The following NFATC2IP variants were observed in gnomAD, a reference collection of about 807,000 sequenced individuals.
NFATC2IP encodes nuclear factor of activated T cells 2 interacting protein.
Under a neutral mutation model 40.2 loss-of-function variants are expected in NFATC2IP, and 25 were observed. The ratio of observed to expected loss-of-function variants is 0.62; its 90% CI spans 0.45 to 0.87. NFATC2IP has a LOEUF of 0.87. Among genes scored for constraint, NFATC2IP ranks in the 40% least tolerant of loss-of-function variants. The pLI is 0.00. For synonymous variants in NFATC2IP, 241 were observed against 236.3 expected (o/e 1.02, Z -0.18); for missense variants, 553 against 555.6 (o/e 1.00, Z 0.05).
At chr16:28,961,023 C>T (rs1965080012) in intron 7 of NFATC2IP, among the ~76,000 whole-genome samples, 1 of 152,002 alleles carries the variant, frequency 6.6e-6, no homozygotes, top group African/African-American at 2.4e-5. Flanking sequence ...TCCTAACATA[C>T]ACCTCAAAAT....
At position 28,958,809 on chromosome 16, in the gene NFATC2IP, A is replaced by G. The variant is rs559094184; in HGVS notation, c.939A>G (p.Leu313=). 11 of 1,614,088 alleles carry G rather than the reference A, an allele frequency of 6.8e-6. No homozygotes were observed. Among genetic ancestry groups the G allele is most frequent in the East Asian group, 2.2e-5 (1 of 44,866 alleles). The change falls in exon 6 of 8, where the codon CTA becomes CTG. Residue 313 remains leucine, a synonymous_variant. Transcript: ENST00000320805. The stretch of plus-strand genomic sequence containing the variant: ...TTTTGCTTTTTGGAGAGACAGAGCT[A>G]TCACCTACTGCCACTCCCAGGACCC... ...RILLLFGETE[L]SPTATPRTLK...
intron 5 of NFATC2IP, 188 bp downstream of exon 5, chr16:28,956,525 AC>A: frequency 1.8e-6 from 1 of 565,462 alleles, no homozygotes; most frequent in Non-Finnish European, 3.1e-6. Context: ...CATTTTCCCA[AC>A]GCTCCCCTCT....
At chr16:28,960,557 GA>G in intron 7 of NFATC2IP, among the ~76,000 whole-genome samples, 1 of 152,166 alleles carries the variant, frequency 6.6e-6, no homozygotes, top group South Asian at 2.1e-4. Context: ...TCTCTCTGCG[GA>G]CCCGTGAAAT....
At chr16:28,954,989 G>A (rs1052321781) in intron 3 of NFATC2IP, among the ~76,000 whole-genome samples, 36 of 151,948 alleles carry the variant, frequency 2.4e-4, no homozygotes, top group South Asian at 1.5e-3. Context: ...ATAAAACCCC[G>A]TTTTATAGCC....
At chr16:28,959,932 G>C (rs994471898) in intron 7 of NFATC2IP, among the ~76,000 whole-genome samples, 2 of 152,164 alleles carry the variant, frequency 1.3e-5, no homozygotes, top group Admixed American at 6.5e-5. Context: ...TAAAACAATA[G>C]AAACCTATTC....
Position 28,951,413 on chromosome 16 carries a change from G to A in NFATC2IP, c.387+15G>A. On this transcript the variant is annotated intron_variant, in intron 1 of 7. Transcript: ENST00000320805. The stretch of plus-strand genomic sequence containing the variant: ...ACTCGGGGAAGGTGCGCCCGGTCCC[G>A]GGGAGGGGACCGGCGGAAGGGCCAA... 1 of 1,381,944 alleles carries A rather than the reference G, an allele frequency of 7.2e-7. No individual in the cohort carries two copies. The highest frequency in any genetic ancestry group is 9.3e-7 in the Non-Finnish European group (1 of 1,072,730). The allele number at this position is 1,381,944 out of a possible 1,614,324, so 85.6% of individuals were successfully genotyped here.
intron 7 of NFATC2IP, among the ~76,000 whole-genome samples, chr16:28,959,351 A>G (rs1169793803): frequency 6.6e-6 from 1 of 152,150 alleles, no homozygotes; most frequent in African/African-American, 2.4e-5. Context: ...TGATTAAAAC[A>G]GAAAGGACCC....
At chr16:28,952,425 TC>T in intron 2 of NFATC2IP, 1 of 654,588 alleles carries the variant, frequency 1.5e-6, no homozygotes, top group Non-Finnish European at 2.4e-6. Context: ...GATTCTGTAG[TC>T]CTGGGCGGGG....
chr16:28,953,222 C>T (rs1964986129), intron 2 of NFATC2IP, among the ~76,000 whole-genome samples: 1 of 151,820 alleles, frequency 6.6e-6, no homozygotes, highest in African/African-American at 2.4e-5. Flanking sequence ...TTACAGGCGC[C>T]CGCCACCATG....
In NFATC2IP at chr16:28,958,809, A is replaced by AT; in HGVS notation, c.940dup (p.Ser314PhefsTer15). On this transcript the variant is annotated frameshift_variant, in exon 6 of 8. Coordinates refer to ENST00000320805, the MANE Select transcript of NFATC2IP (RefSeq NM_032815.4). LOFTEE classifies it high-confidence loss of function. ...TTTTGCTTTTTGGAGAGACAGAGCT[A>AT]TCACCTACTGCCACTCCCAGGACCC... The AT allele has an allele frequency of 6.2e-7, 1 of 1,614,088 alleles. No homozygotes were observed. Among genetic ancestry groups the AT allele is most frequent in the Non-Finnish European group, 8.5e-7 (1 of 1,180,004 alleles).
At chr16:28,961,382 G>A (rs1300800021) in intron 7 of NFATC2IP, among the ~76,000 whole-genome samples, 3 of 136,276 alleles carry the variant, frequency 2.2e-5, no homozygotes, top group Non-Finnish European at 4.7e-5. Flanking sequence ...CAATTTCAAA[G>A]CCACTGTTAC....
rs757870595 is a variant in NFATC2IP at position 28,951,027 on chromosome 16, G to A, written c.16G>A (p.Gly6Arg). The A allele has an allele frequency of 2.0e-5, 30 of 1,526,024 alleles. No individual in the cohort carries two copies. Among genetic ancestry groups the A allele is most frequent in the South Asian group, 7.5e-5 (6 of 79,540 alleles). 94.5% of individuals were successfully genotyped at this position (1,526,024 alleles called of 1,614,324 possible). MAEPV[G>R]KRGRWSGGSG... ...AAAGTGTGCCATGGCGGAGCCTGTGGGGAAGCGGGGCCGCTGGTCCGGAGG... is the reference window on the plus strand; with the variant it reads ...AAAGTGTGCCATGGCGGAGCCTGTGAGGAAGCGGGGCCGCTGGTCCGGAGG... The change falls in exon 1 of 8, where the codon GGG becomes AGG. Residue 6 changes from glycine to arginine, a missense_variant. Gly to Arg is a moderately radical substitution (Grantham distance 125, BLOSUM62 -2). Transcript: ENST00000320805.
rs1370745180 is a variant in NFATC2IP at position 28,958,873 on chromosome 16, G to C, written c.991+12G>C. ...GGCTGACATCATTGGTGAGAGGAAGGCAGGGAGGTGGGGCCTTGAGGCATT... is the reference window on the plus strand; with the variant it reads ...GGCTGACATCATTGGTGAGAGGAAGCCAGGGAGGTGGGGCCTTGAGGCATT... On this transcript the variant is annotated intron_variant, in intron 6 of 7. Transcript: ENST00000320805. 6.2e-7 allele frequency: 1 copy of C among 1,613,684 alleles called. No individual in the cohort carries two copies. The highest frequency in any genetic ancestry group is 1.7e-5 in the Admixed American group (1 of 59,960).
rs1195001343 is a variant in NFATC2IP, at chr16:28,964,829, A to G, written c.*966A>G. On this transcript the variant is annotated 3_prime_UTR_variant, in exon 8 of 8. Coordinates refer to ENST00000320805, the MANE Select transcript of NFATC2IP (RefSeq NM_032815.4). ...CTGCCATGTGGCACTCCACAATGTC[A>G]ATTGCAGTTTACACACATTGCCTAA... The G allele has an allele frequency of 6.6e-6, 1 of 152,220 alleles. No individual in the cohort carries two copies. Among genetic ancestry groups the G allele is most frequent in the Non-Finnish European group, 1.5e-5 (1 of 68,042 alleles). 9.4% of individuals were successfully genotyped at this position (152,220 alleles called of 1,614,324 possible).
intron 5 of NFATC2IP, chr16:28,957,867 C>G (rs986663054): frequency 2.6e-5 from 4 of 152,018 alleles, no homozygotes; most frequent in African/African-American, 9.7e-5. Flanking sequence ...TGCAGTGCCT[C>G]ACGCCTGTAA....
intron 2 of NFATC2IP, among the ~76,000 whole-genome samples, chr16:28,953,931 G>C (rs78017372): frequency 1.2e-5 from 1 of 85,862 alleles, no homozygotes; most frequent in Non-Finnish European, 3.1e-5. Flanking sequence ...AAAAAAAAAA[G>C]AAAAACGAAA....
Position 28,966,667 on chromosome 16 carries a change from G to A in NFATC2IP, c.*2804G>A, listed in dbSNP as rs140531733. ...CAGTTACTTCGGGAGGCTGAGGCAGGAGAATCGCTTGAACCCAGGAGGCAG... is the reference window on the plus strand; with the variant it reads ...CAGTTACTTCGGGAGGCTGAGGCAGAAGAATCGCTTGAACCCAGGAGGCAG... On this transcript the variant is annotated 3_prime_UTR_variant, in exon 8 of 8. Transcript: ENST00000320805. 3,880 of 151,192 alleles carry A rather than the reference G, an allele frequency of 0.026. 78 individuals carry two copies. The highest frequency in any genetic ancestry group is 0.037 in the Non-Finnish European group (2,501 of 67,974). The allele number at this position is 151,192 out of a possible 1,614,324, so 9.4% of individuals were successfully genotyped here.
intron 7 of NFATC2IP, among the ~76,000 whole-genome samples, chr16:28,961,487 TTC>T (rs1283323797): frequency 2.0e-5 from 3 of 152,128 alleles, no homozygotes; most frequent in Non-Finnish European, 4.4e-5. Context: ...CATAAATTTA[TTC>T]TCTCATTGTT....
Position 28,963,815 on chromosome 16 carries a change from A to T in NFATC2IP, c.1212A>T (p.Pro404=). ...CAAAGCTTTCAGGCAGGGAGCTGCC[A>T]GCTGACCTGGGCATGGAATCTGGGG... is the stretch of plus-strand genomic sequence containing the variant. ...DGTKLSGREL[P]ADLGMESGDL... is the part of the protein sequence containing the mutation. The change falls in exon 8 of 8, where the codon CCA becomes CCT. Residue 404 remains proline (P), a synonymous_variant. Transcript: ENST00000320805. 5 of 1,614,208 alleles carry T rather than the reference A, an allele frequency of 3.1e-6. No homozygotes were observed. The highest frequency in any genetic ancestry group is 4.2e-6 in the Non-Finnish European group (5 of 1,180,018).
Sources: gnomAD v4.1 joint callset for allele counts (sites outside exome capture counted in the v4.1 genomes callset) on GRCh38, gnomAD v4.1.1 for gene constraint, MANE v1.5 for transcripts, NCBI Gene and HGNC (gene_info 2026-07-23, HGNC 2026-07-21) for gene names.